Variants in PHACTR1 observed in about 807,000 individuals in gnomAD.
The protein encoded by PHACTR1 is RPEL repeat containing 1.
Under a neutral mutation model 69.2 loss-of-function variants are expected in PHACTR1, and 16 were observed. That is an observed-to-expected ratio of 0.23 (90% CI 0.16 to 0.35). PHACTR1 has a LOEUF of 0.35. Among genes scored for constraint, PHACTR1 ranks in the 10% least tolerant of loss-of-function variants. The pLI is 1.00. For synonymous variants in PHACTR1, 312 were observed against 284.5 expected, an observed-to-expected ratio of 1.10 and a Z score of -0.97; for missense variants, 510 against 734.7, an observed-to-expected ratio of 0.69 and a Z score of 3.54.
chr6:12,933,957 C>T, intron 4 of PHACTR1: 1 of 1,580,800 alleles, frequency 6.3e-7, no homozygotes, highest in South Asian at 1.2e-5. Context: ...TATTCATTTC[C>T]TAGAGTTGCT....
chr6:12,888,367 A>G (rs1783849700), intron 4 of PHACTR1, among the ~76,000 whole-genome samples: 1 of 152,272 alleles, frequency 6.6e-6, no homozygotes. Flanking sequence ...CCTCCAGAAC[A>G]CTGAGAAATA....
chr6:12,797,031 G>C (rs1218248275), intron 4 of PHACTR1, among the ~76,000 whole-genome samples: 2 of 128,284 alleles, frequency 1.6e-5, no homozygotes, highest in Non-Finnish European at 3.4e-5. Flanking sequence ...GTGTGTGTGT[G>C]TGTGTGTGTG....
At chr6:13,038,417 A>C (rs1321160467) in intron 4 of PHACTR1, among the ~76,000 whole-genome samples, 1 of 151,288 alleles carries the variant, frequency 6.6e-6, no homozygotes, top group Non-Finnish European at 1.5e-5. Context: ...GTACAAAAGT[A>C]CTCTAGAGGA....
At chr6:13,068,817 G>A (rs1390416052) in intron 5 of PHACTR1, among the ~76,000 whole-genome samples, 2 of 152,160 alleles carry the variant, frequency 1.3e-5, no homozygotes, top group Admixed American at 6.5e-5. Context: ...TTCTTGGGAG[G>A]GAAGGTGAGC....
At chr6:13,286,351 G>A in intron 14 of PHACTR1, 129 bp downstream of exon 14, 2 of 732,524 alleles carry the variant, frequency 2.7e-6, no homozygotes, top group Non-Finnish European at 4.3e-6. Flanking sequence ...TAGTAGGAAG[G>A]CAGGCATGCG....
At position 13,237,952 on chromosome 6, in the gene PHACTR1, C is replaced by T. The variant is rs1772254576; in HGVS notation, c.1391+7759C>T. Among the ~76,000 whole-genome samples, 3 of 152,222 alleles carry T rather than the reference C, an allele frequency of 2.0e-5. No individual in the cohort carries two copies. In the South Asian group the frequency reaches 6.2e-4, roughly 31 times the overall value. Reference sequence around the variant, plus strand: ...TGGGACCACAGTCCCATATGCAGTCCGTTACCCAAAGGTTGTTATGAGGTG... The same window carrying T: ...TGGGACCACAGTCCCATATGCAGTCTGTTACCCAAAGGTTGTTATGAGGTG... On this transcript the variant is annotated intron_variant, in intron 10 of 14. Coordinates refer to ENST00000332995, the MANE Select transcript of PHACTR1 (RefSeq NM_030948.6).
At chr6:12,873,334 T>C (rs1306654269) in intron 4 of PHACTR1, among the ~76,000 whole-genome samples, 1 of 152,056 alleles carries the variant, frequency 6.6e-6, no homozygotes, top group East Asian at 1.9e-4. Flanking sequence ...TTTCTTAAGA[T>C]AAGACCAGTC....
At chr6:12,884,652 C>T (rs537591387) in intron 4 of PHACTR1, among the ~76,000 whole-genome samples, 5 of 152,296 alleles carry the variant, frequency 3.3e-5, no homozygotes, top group South Asian at 2.1e-4. Context: ...CCGCCCGCCT[C>T]AGCCTCCCAA....
At chr6:12,808,766 TCTTCTC>T (rs3036464) in intron 4 of PHACTR1, among the ~76,000 whole-genome samples, 56,114 of 150,622 alleles carry the variant, frequency 0.37, 11,292 homozygotes, top group African/African-American at 0.51. Flanking sequence ...CTCTTCTTCT[TCTTCTC>T]CTTCTCCTTC....
chr6:12,986,076 T>C (rs778415406), intron 4 of PHACTR1, among the ~76,000 whole-genome samples: 2 of 152,206 alleles, frequency 1.3e-5, no homozygotes, highest in Non-Finnish European at 2.9e-5. Context: ...TCTCAGGTGA[T>C]CCACCTGCCT....
At chr6:13,093,051 A>C (rs1286784755) in intron 5 of PHACTR1, among the ~76,000 whole-genome samples, 1 of 152,150 alleles carries the variant, frequency 6.6e-6, no homozygotes, top group Non-Finnish European at 1.5e-5. Flanking sequence ...GTCAGTGACA[A>C]ATTGGGGAAC....
intron 4 of PHACTR1, among the ~76,000 whole-genome samples, chr6:13,024,136 A>G (rs1801369867): frequency 6.6e-6 from 1 of 151,958 alleles, no homozygotes; most frequent in African/African-American, 2.4e-5. Context: ...ATTAGTTTGA[A>G]TTATTGAGAG....
chr6:12,911,753 T>C (rs529076326), intron 4 of PHACTR1, among the ~76,000 whole-genome samples: 19 of 152,294 alleles, frequency 1.2e-4, no homozygotes, highest in South Asian at 1.2e-3. Context: ...GGGTTTATAA[T>C]GGATACATTT....
chr6:13,219,326 T>C (rs1768229034), intron 8 of PHACTR1, among the ~76,000 whole-genome samples: 1 of 152,236 alleles, frequency 6.6e-6, no homozygotes, highest in Non-Finnish European at 1.5e-5. Flanking sequence ...CTCATCCTTG[T>C]GAGCTTACTC....
rs538368320 is a variant in PHACTR1, at chr6:13,226,884, C to T, written c.987-932C>T. Among the ~76,000 whole-genome samples the T allele has an allele frequency of 9.2e-5, 14 of 152,008 alleles. No homozygotes were observed. The South Asian group carries it at 2.3e-3, about 25-fold the overall frequency. ...TCCCAAGTAGCTGAGACTACAGGTG[C>T]GTGCCACCACACCCAGCTAATTTTT... On this transcript the variant is annotated intron_variant, in intron 8 of 14. Transcript: ENST00000332995.
intron 4 of PHACTR1, among the ~76,000 whole-genome samples, chr6:13,038,811 T>TA (rs989061217): frequency 8.5e-5 from 13 of 152,212 alleles, no homozygotes; most frequent in African/African-American, 3.1e-4. Context: ...AGAAAGTTCT[T>TA]AAAGACCAAG....
Position 12,718,694 on chromosome 6 carries a change from TATAGGTG to T in PHACTR1, c.-46-4_-44del. 1 of 989,212 alleles carries T rather than the reference TATAGGTG, an allele frequency of 1.0e-6. No homozygotes were observed. Among genetic ancestry groups the T allele is most frequent in the Non-Finnish European group, 1.5e-6 (1 of 666,700 alleles). 61.3% of individuals were successfully genotyped at this position (989,212 alleles called of 1,614,324 possible). On this transcript the variant is annotated splice_acceptor_variant and splice_polypyrimidine_tract_variant and 5_prime_UTR_variant and intron_variant, in exon 3 of 15. Coordinates refer to ENST00000332995, the MANE Select transcript of PHACTR1 (RefSeq NM_030948.6). LOFTEE classifies it low-confidence loss of function (5UTR_SPLICE). The stretch of plus-strand genomic sequence containing the variant: ...ATATTGTGGATTTTTTTTTCCTCTT[TATAGGTG>T]TTCCAGTGTTTTCTCTCAAAACTCT...
At chr6:12,969,912 G>A (rs1454381578) in intron 4 of PHACTR1, among the ~76,000 whole-genome samples, 4 of 152,162 alleles carry the variant, frequency 2.6e-5, no homozygotes, top group Non-Finnish European at 4.4e-5. Context: ...GCAGTGAGCC[G>A]AGATCATGCC....
At chr6:13,121,025 G>C (rs996295388) in intron 5 of PHACTR1, among the ~76,000 whole-genome samples, 5 of 152,156 alleles carry the variant, frequency 3.3e-5, no homozygotes, top group African/African-American at 1.2e-4. Flanking sequence ...CTGACAGCCA[G>C]CTACACAAGA....
Sources: gnomAD v4.1 joint callset for allele counts (sites outside exome capture counted in the v4.1 genomes callset) on GRCh38, gnomAD v4.1.1 for gene constraint, MANE v1.5 for transcripts, NCBI Gene and HGNC (gene_info 2026-07-23, HGNC 2026-07-21) for gene names.